REV1: variants seen among roughly 807,000 people sequenced by gnomAD.
REV1 encodes the protein translesion synthesis protein REV1.
Under a neutral mutation model 137.4 loss-of-function variants are expected in REV1, and 42 were observed. The observed-to-expected ratio is 0.31, with a 90% CI of 0.24 to 0.40. The LOEUF (loss-of-function observed/expected upper bound fraction) is 0.40. REV1 is among the 10% of genes least tolerant of loss of function. The pLI is 1.00. For missense variants in REV1, 1,282 were observed against 1,490.1 expected (o/e 0.86, Z 2.30); for synonymous variants, 524 against 519.2 (o/e 1.01, Z -0.12).
chr2:99,442,948 A>C (rs1297380073), intron 4 of REV1, among the ~76,000 whole-genome samples: 2 of 152,232 alleles, frequency 1.3e-5, no homozygotes, highest in Non-Finnish European at 2.9e-5. Context: ...GAACTCTACA[A>C]GGGCCAAAAC....
At chr2:99,428,290 G>C (rs1679644255) in intron 9 of REV1, among the ~76,000 whole-genome samples, 1 of 152,102 alleles carries the variant, frequency 6.6e-6, no homozygotes, top group South Asian at 2.1e-4. Context: ...ACTTAGTAGA[G>C]AAAAAGAGAC....
At chr2:99,462,694 T>C in intron 2 of REV1, 72 bp from the exon 3 acceptor site, 1 of 1,453,388 alleles carries the variant, frequency 6.9e-7, no homozygotes, top group Non-Finnish European at 9.4e-7. Context: ...AAAAAAAAAT[T>C]TTAAAAACTA....
chr2:99,434,048 A>G (rs1326443299), intron 8 of REV1, among the ~76,000 whole-genome samples: 1 of 152,252 alleles, frequency 6.6e-6, no homozygotes, highest in Non-Finnish European at 1.5e-5. Context: ...ATTAACTCTC[A>G]CAATAGAAAG....
intron 3 of REV1, chr2:99,451,511 A>C (rs749425702): frequency 7.7e-7 from 1 of 1,301,254 alleles, no homozygotes; most frequent in South Asian, 1.2e-5. Flanking sequence ...TCTAGTTAAA[A>C]GGCAAGATCA....
In REV1 at chr2:99,401,077, A is replaced by G. The variant is rs913408184; in HGVS notation, c.*164T>C. ...TAATTAACACAATTATTTACATGCA[A>G]TACTGACAAATTTGGCACTTTTTGA... is the stretch of plus-strand genomic sequence containing the variant. On this transcript the variant is annotated 3_prime_UTR_variant, in exon 23 of 23. Transcript: ENST00000258428. The G allele has an allele frequency of 4.1e-6, 2 of 488,088 alleles. No individual in the cohort carries two copies. Among genetic ancestry groups the G allele is most frequent in the Non-Finnish European group, 7.4e-6 (2 of 271,228 alleles). The allele number at this position is 488,088 out of a possible 1,614,324, so 30.2% of individuals were successfully genotyped here.
At chr2:99,427,134 A>G (rs1380716265) in intron 9 of REV1, among the ~76,000 whole-genome samples, 1 of 152,132 alleles carries the variant, frequency 6.6e-6, no homozygotes, top group African/African-American at 2.4e-5. Flanking sequence ...GTGAGCCGAG[A>G]TAGCACCACT....
At chr2:99,452,474 C>T (rs990306003) in intron 3 of REV1, among the ~76,000 whole-genome samples, 1 of 151,012 alleles carries the variant, frequency 6.6e-6, no homozygotes, top group Non-Finnish European at 1.5e-5. Flanking sequence ...TATCCAACAT[C>T]ATGAAAGCTA....
chr2:99,468,121 G>A (rs938139781), intron 1 of REV1, among the ~76,000 whole-genome samples: 3 of 151,692 alleles, frequency 2.0e-5, no homozygotes, highest in Admixed American at 6.6e-5. Flanking sequence ...CGGAGGTTGC[G>A]GTGAGCCGAG....
intron 9 of REV1, chr2:99,424,486 G>A (rs771939023): frequency 2.3e-4 from 132 of 572,132 alleles, no homozygotes; most frequent in Non-Finnish European, 5.3e-5. Context: ...AATGACACAT[G>A]TAGATGTGCC....
At position 99,454,379 on chromosome 2, in the gene REV1, C is replaced by T. The variant is rs139126340; in HGVS notation, c.182-4875G>A. On this transcript the variant is annotated intron_variant, in intron 3 of 22. Transcript: ENST00000258428. ...AAGTCTGACCAACATGGAGAAACCCCGTCACTACTAAAAATACAAAATTAT... is the reference window on the plus strand; with the variant it reads ...AAGTCTGACCAACATGGAGAAACCCTGTCACTACTAAAAATACAAAATTAT... 3.4e-3 allele frequency among the ~76,000 whole-genome samples: 511 copies of T among 151,478 alleles called. 3 individuals carry two copies. The highest frequency in any genetic ancestry group is 0.012 in the African/African-American group (493 of 41,288).
chr2:99,475,163 G>C (rs6713792), intron 1 of REV1, among the ~76,000 whole-genome samples: 90,233 of 151,984 alleles, frequency 0.59, 27,275 homozygotes, highest in African/African-American at 0.67. Context: ...GAGAGTACAA[G>C]GAACAAAGGA....
intron 1 of REV1, among the ~76,000 whole-genome samples, chr2:99,471,398 T>C (rs755853754): frequency 6.6e-6 from 1 of 150,954 alleles, no homozygotes; most frequent in Non-Finnish European, 1.5e-5. Flanking sequence ...GCAAAAGAAG[T>C]TGGACCTTTA....
intron 1 of REV1, among the ~76,000 whole-genome samples, chr2:99,485,045 G>T (rs1686997507): frequency 6.6e-6 from 1 of 152,118 alleles, no homozygotes; most frequent in Non-Finnish European, 1.5e-5. Flanking sequence ...GTTACACAAA[G>T]CAGCAGCCCT....
At chr2:99,437,843 C>G (rs538714321) in intron 6 of REV1, among the ~76,000 whole-genome samples, 1 of 152,154 alleles carries the variant, frequency 6.6e-6, no homozygotes, top group East Asian at 1.9e-4. Flanking sequence ...AGGAATACAT[C>G]AAACTCAGTA....
chr2:99,471,121 T>C (rs1418158428), intron 1 of REV1, among the ~76,000 whole-genome samples: 2 of 139,844 alleles, frequency 1.4e-5, no homozygotes, highest in African/African-American at 5.2e-5. Flanking sequence ...GGCCACCCCT[T>C]ATCTAGGCAA....
At chr2:99,411,244 T>C (rs1677096438) in intron 13 of REV1, among the ~76,000 whole-genome samples, 1 of 151,874 alleles carries the variant, frequency 6.6e-6, no homozygotes, top group African/African-American at 2.4e-5. Context: ...GCTGAGATCA[T>C]GCCACTGCAT....
intron 1 of REV1, among the ~76,000 whole-genome samples, chr2:99,486,841 T>A (rs758487068): frequency 7.9e-5 from 12 of 151,954 alleles, no homozygotes; most frequent in Admixed American, 2.6e-4. Context: ...TGTGTACAAG[T>A]CAGACAAGAC....
chr2:99,477,753 A>G (rs1412179275), intron 1 of REV1, among the ~76,000 whole-genome samples: 1 of 152,260 alleles, frequency 6.6e-6, no homozygotes, highest in Non-Finnish European at 1.5e-5. Flanking sequence ...AAACAATTCA[A>G]TACAACAAAG....
At chr2:99,433,356 A>G (rs927641598) in intron 8 of REV1, among the ~76,000 whole-genome samples, 1 of 152,224 alleles carries the variant, frequency 6.6e-6, no homozygotes, top group Admixed American at 6.5e-5. Context: ...AAACCTTTAT[A>G]AAACTTGGAA....
Sources: gnomAD v4.1 joint callset for allele counts (sites outside exome capture counted in the v4.1 genomes callset) on GRCh38, gnomAD v4.1.1 for gene constraint, MANE v1.5 for transcripts, NCBI Gene and HGNC (gene_info 2026-07-23, HGNC 2026-07-21) for gene names.